ACOX3: variants seen among roughly 807,000 people sequenced by gnomAD.
ACOX3 encodes acyl-CoA oxidase 3, pristanoyl.
A neutral mutation model predicts 81.5 loss-of-function variants in ACOX3; 73 were observed. The observed-to-expected ratio is 0.90, with a 90% CI of 0.74 to 1.09. The LOEUF is 1.09. ACOX3 is among the 50% of genes least tolerant of loss of function. The pLI, the probability that ACOX3 is intolerant of heterozygous loss-of-function variation, is 0.00. For missense variants in ACOX3, 947 were observed against 928.0 expected, an observed-to-expected ratio of 1.02 and a Z score of -0.27; for synonymous variants, 387 against 375.1, an observed-to-expected ratio of 1.03 and a Z score of -0.37.
At position 8,384,651 on chromosome 4, in the gene ACOX3, T is replaced by C. The variant is rs1027069416; in HGVS notation, c.1538-3044A>G. Among the ~76,000 whole-genome samples, 11 of 152,172 alleles carry C rather than the reference T, an allele frequency of 7.2e-5. No homozygotes were observed. The highest frequency in any genetic ancestry group is 3.3e-4 in the Admixed American group (5 of 15,284). Reference sequence around the variant, plus strand: ...CCCTCCCCAGCTGGGGCTCTGTCCTTGACCCCATGGTGAGCTCTTCGCATG... The same window carrying C: ...CCCTCCCCAGCTGGGGCTCTGTCCTCGACCCCATGGTGAGCTCTTCGCATG... On this transcript the variant is annotated intron_variant, in intron 13 of 17. Transcript: ENST00000356406. This position sits in a 1 kb window ranked among gnomAD's most constrained non-coding sequence, Gnocchi z 5.3.
In ACOX3 at chr4:8,419,632, C is replaced by T. The variant is rs958851592; in HGVS notation, c.-14-3097G>A. Among the ~76,000 whole-genome samples the T allele has an allele frequency of 3.9e-5, 6 of 152,044 alleles. No individual in the cohort carries two copies. The highest frequency in any genetic ancestry group is 7.2e-5 in the African/African-American group (3 of 41,382). On this transcript the variant is annotated intron_variant, in intron 1 of 17. Coordinates refer to ENST00000356406, the MANE Select transcript of ACOX3 (RefSeq NM_003501.3). This position sits in a 1 kb window ranked among gnomAD's most constrained non-coding sequence, Gnocchi z 4.2. The stretch of plus-strand genomic sequence containing the variant: ...CAGCAATTCCACTCTGAGGTATGTA[C>T]GCAAGAGAACCGAAAACATCACGTC...
At chr4:8,372,192 G>A (rs1716300256) in intron 16 of ACOX3, among the ~76,000 whole-genome samples, 1 of 152,188 alleles carries the variant, frequency 6.6e-6, no homozygotes, top group Non-Finnish European at 1.5e-5. Flanking sequence ...CGAACACCTG[G>A]GCTCAAGCCA....
rs199642053 is a variant in ACOX3, at chr4:8,415,621, T to TA, written c.378+144dup. 1,252 of 685,434 alleles carry TA rather than the reference T, an allele frequency of 1.8e-3. 7 individuals carry two copies. Among genetic ancestry groups the TA allele is most frequent in the East Asian group, 5.2e-3 (183 of 35,316 alleles). The allele number at this position is 685,434 out of a possible 1,614,324, so 42.5% of individuals were successfully genotyped here. A position where few individuals can be genotyped will look rare whatever the true frequency, so the allele number is the denominator to read the frequency against. On this transcript the variant is annotated intron_variant, in intron 3 of 17. Coordinates refer to ENST00000356406, the MANE Select transcript of ACOX3 (RefSeq NM_003501.3). ...GGGACTGAAATTTTTTTAAAAACAT[T>TA]AAAAAAAAGATAATTTTTAAAATTT...
At chr4:8,438,801 A>T (rs1219001847) in intron 1 of ACOX3, 1 of 152,214 alleles carries the variant, frequency 6.6e-6, no homozygotes, top group Non-Finnish European at 1.5e-5. Context: ...GATCCATCAC[A>T]GTCAGCTAAC....
Position 8,407,638 on chromosome 4 carries a change from C to G in ACOX3, c.688-1595G>C, listed in dbSNP as rs989432525. Among the ~76,000 whole-genome samples, 2 of 152,204 alleles carry G rather than the reference C, an allele frequency of 1.3e-5. No homozygotes were observed. Among genetic ancestry groups the G allele is most frequent in the Admixed American group, 1.3e-4 (2 of 15,290 alleles). ...GAGGACGTCGGGAATTTCATATTCA[C>G]GTTTTAGACACAGGACTCCCTGCTA... On this transcript the variant is annotated intron_variant, in intron 6 of 17. Transcript: ENST00000356406. The surrounding 1 kb of genome is among the most constrained non-coding windows in gnomAD (Gnocchi z 4.6).
At position 8,438,200 on chromosome 4, in the gene ACOX3, T is replaced by C. The variant is rs182943154; in HGVS notation, c.-15+2448A>G. ...AAAAGTACAAGAAGTGACTAAAGTA[T>C]TGTTAAAAGACATTATCCCCAGGTT... On this transcript the variant is annotated intron_variant, in intron 1 of 17. Transcript: ENST00000356406. Among the ~76,000 whole-genome samples the C allele has an allele frequency of 1.1e-4, 17 of 152,344 alleles. No individual in the cohort carries two copies. The East Asian group carries it at 3.1e-3, about 28-fold the overall frequency.
chr4:8,397,573 G>A (rs1481711066), intron 8 of ACOX3, among the ~76,000 whole-genome samples: 3 of 152,258 alleles, frequency 2.0e-5, no homozygotes, highest in African/African-American at 7.2e-5. Flanking sequence ...TTGTGTGCCT[G>A]TGAACAGGCA....
rs1720923499 is a variant in ACOX3, at chr4:8,406,106, A to G, written c.688-63T>C. On this transcript the variant is annotated intron_variant, in intron 6 of 17. Transcript: ENST00000356406. This position sits in a 1 kb window ranked among gnomAD's most constrained non-coding sequence, Gnocchi z 5.6. ...TACAATCACACAAAAATCAAAACAA[A>G]TGTGTTCAGAAACCCACAGGGTGGG... The G allele has an allele frequency of 6.7e-7, 1 of 1,502,392 alleles. No homozygotes were observed. The highest frequency in any genetic ancestry group is 9.3e-7 in the Non-Finnish European group (1 of 1,080,632). 93.1% of individuals were successfully genotyped at this position (1,502,392 alleles called of 1,614,324 possible).
rs1289691262 is a variant in ACOX3 at position 8,414,371 on chromosome 4, C to T, written c.464G>A (p.Cys155Tyr). Reference sequence around the variant, plus strand: ...GTGGCTTAATTCGGTCAGAGCAAAACATCCAAAAATCTAAATGTCAAAGCA... The same window carrying T: ...GTGGCTTAATTCGGTCAGAGCAAAATATCCAAAAATCTAAATGTCAAAGCA... The part of the protein sequence containing the change: ...QKIFRMEIFG[C>Y]FALTELSHGS... Residue 155 changes from cysteine (C) to tyrosine (Y), a missense_variant, in exon 5 of 18, where the codon TGT becomes TAT. Cys to Tyr is a radical substitution (Grantham distance 194). Coordinates refer to ENST00000356406, the MANE Select transcript of ACOX3 (RefSeq NM_003501.3). The surrounding 1 kb of genome is among the most constrained non-coding windows in gnomAD (Gnocchi z 6.1). 2 of 1,614,118 alleles carry T rather than the reference C, an allele frequency of 1.2e-6. No homozygotes were observed. Among genetic ancestry groups the T allele is most frequent in the East Asian group, 2.2e-5 (1 of 44,892 alleles).
chr4:8,404,665 C>G (rs1242614418), intron 7 of ACOX3, among the ~76,000 whole-genome samples: 1 of 152,160 alleles, frequency 6.6e-6, no homozygotes, highest in African/African-American at 2.4e-5. Flanking sequence ...TCGCTGAGCG[C>G]TCAGATGCCC....
chr4:8,373,526 T>G (rs569165497), intron 16 of ACOX3, 35 bp downstream of exon 16: 1 of 1,609,956 alleles, frequency 6.2e-7, no homozygotes. Context: ...TTGTGTAACA[T>G]GGATGTAGAG....
At position 8,414,258 on chromosome 4, in the gene ACOX3, C is replaced by T. The variant is rs549475913; in HGVS notation, c.543+34G>A. 1.1e-5 allele frequency: 17 copies of T among 1,588,392 alleles called. No individual in the cohort carries two copies. In the South Asian group the frequency reaches 1.7e-4, roughly 15 times the overall value. ...TGCACTCATGACGTCTCATATGCTC[C>T]AAACTCAGGGACCCGGGGGAAGGTA... On this transcript the variant is annotated intron_variant, in intron 5 of 17. Transcript: ENST00000356406. The surrounding 1 kb of genome is among the most constrained non-coding windows in gnomAD (Gnocchi z 6.1).
intron 10 of ACOX3, 128 bp from the exon 11 acceptor site, chr4:8,392,581 G>A: frequency 1.8e-6 from 2 of 1,091,356 alleles, no homozygotes; most frequent in South Asian, 2.2e-5. Flanking sequence ...GAAAATGACA[G>A]AAGAGGAAAC....
Position 8,399,636 on chromosome 4 carries a change from T to C in ACOX3, c.793A>G (p.Lys265Glu). Residue 265 changes from lysine (K) to glutamate (E), a missense_variant, in exon 8 of 18, where the codon AAG (lysine) becomes GAG (glutamate). Physicochemically the swap from Lys to Glu is moderately conservative, Grantham distance 56. Transcript: ENST00000356406. This position sits in a 1 kb window ranked among gnomAD's most constrained non-coding sequence, Gnocchi z 4.9. ...AGGCTCTGGCGAGGAACTCTGACCTTGTGGAACATGGCGAAACTGTGGGGA... is the reference window on the plus strand; with the variant it reads ...AGGCTCTGGCGAGGAACTCTGACCTCGTGGAACATGGCGAAACTGTGGGGA... ...GLDNGFAMFH[K>E]VRVPRQSLLN... The C allele has an allele frequency of 1.2e-6, 2 of 1,614,132 alleles. No individual in the cohort carries two copies. The highest frequency in any genetic ancestry group is 1.7e-6 in the Non-Finnish European group (2 of 1,180,002).
In ACOX3 at chr4:8,416,363, A is replaced by C. The variant is rs371471551; in HGVS notation, c.144+15T>G. Reference sequence around the variant, plus strand: ...CTGGGAAAAAAGACAAGCTGCGCACAACCGCACGCCTCACCTTAAAGCGGA... The same window carrying C: ...CTGGGAAAAAAGACAAGCTGCGCACCACCGCACGCCTCACCTTAAAGCGGA... On this transcript the variant is annotated intron_variant, in intron 2 of 17. Transcript: ENST00000356406. This position sits in a 1 kb window ranked among gnomAD's most constrained non-coding sequence, Gnocchi z 4.2. 82 of 1,614,026 alleles carry C rather than the reference A, an allele frequency of 5.1e-5. No individual in the cohort carries two copies. The highest frequency in any genetic ancestry group is 6.9e-5 in the Non-Finnish European group (81 of 1,180,054).
the ACOX3 span, chr4:8,356,671 C>T: frequency 4.4e-6 from 2 of 455,266 alleles, no homozygotes; most frequent in Non-Finnish European, 4.4e-6. Context: ...TAACCTGTTC[C>T]TGGCAGGTGA....
At position 8,416,611 on chromosome 4, in the gene ACOX3, G is replaced by A. The variant is rs1181822570; in HGVS notation, c.-14-76C>T. 1.5e-5 allele frequency: 21 copies of A among 1,423,714 alleles called. No individual in the cohort carries two copies. Among genetic ancestry groups the A allele is most frequent in the Admixed American group, 1.4e-4 (5 of 36,964 alleles). 88.2% of individuals were successfully genotyped at this position (1,423,714 alleles called of 1,614,324 possible). ...ACTACCCCCACCAACAGGAGAGCCC[G>A]CAACACCTTACAAATCAGAGAAAAG... On this transcript the variant is annotated intron_variant, in intron 1 of 17. Transcript: ENST00000356406. The surrounding 1 kb of genome is among the most constrained non-coding windows in gnomAD (Gnocchi z 4.2).
rs375189444 is a variant in ACOX3 at position 8,366,916 on chromosome 4, G to C, written c.*45C>G. Reference sequence around the variant, plus strand: ...AGAAGTTGAGGTCCACGTCTGATTAGTTCCCTTCGTTTCATTAGACTTGGC... The same window carrying C: ...AGAAGTTGAGGTCCACGTCTGATTACTTCCCTTCGTTTCATTAGACTTGGC... On this transcript the variant is annotated 3_prime_UTR_variant, in exon 18 of 18. Coordinates refer to ENST00000356406, the MANE Select transcript of ACOX3 (RefSeq NM_003501.3). 2.5e-6 allele frequency: 4 copies of C among 1,608,560 alleles called. No homozygotes were observed. The African/African-American group carries it at 5.3e-5, about 22-fold the overall frequency.
rs946162755 is a variant in ACOX3, at chr4:8,396,986, A to AACTG, written c.1003_1006dup (p.Phe336SerfsTer14). 6.2e-7 allele frequency: 1 copy of AACTG among 1,611,996 alleles called. No individual in the cohort carries two copies. The highest frequency in any genetic ancestry group is 1.3e-5 in the African/African-American group (1 of 74,928). On this transcript the variant is annotated frameshift_variant, in exon 9 of 18. Coordinates refer to ENST00000356406, the MANE Select transcript of ACOX3 (RefSeq NM_003501.3). LOFTEE classifies it high-confidence loss of function. ...TATTTCCTCCTCCTCTGTGGGTCCA[A>AACTG]ACTGACGCCGAGTGGCTGAGAAGCG...
Sources: gnomAD v4.1 joint callset for allele counts (sites outside exome capture counted in the v4.1 genomes callset) on GRCh38, gnomAD v4.1.1 for gene constraint, Gnocchi (gnomAD v3.1) non-coding constraint, MANE v1.5 for transcripts, NCBI Gene and HGNC (gene_info 2026-07-23, HGNC 2026-07-21) for gene names.